Variants in GRID1 observed in about 807,000 individuals in gnomAD.
GRID1 encodes glutamate ionotropic receptor delta type subunit 1, also known as glutamate receptor ionotropic, delta-1.
Under a neutral mutation model 98.0 loss-of-function variants are expected in GRID1, and 28 were observed. The ratio of observed to expected loss-of-function variants is 0.29; its 90% CI spans 0.21 to 0.39. The LOEUF is 0.39. Ranked by LOEUF, GRID1 falls within the 10% of genes least tolerant of loss-of-function variation. The pLI, the probability that GRID1 is intolerant of heterozygous loss-of-function variation, is 1.00. For missense variants in GRID1, 1,111 were observed against 1,340.5 expected, an observed-to-expected ratio of 0.83 and a Z score of 2.67; for synonymous variants, 553 against 538.5, an observed-to-expected ratio of 1.03 and a Z score of -0.37.
chr10:86,354,120 C>A (rs1848501310), intron 2 of GRID1, among the ~76,000 whole-genome samples: 1 of 152,232 alleles, frequency 6.6e-6, no homozygotes, highest in Non-Finnish European at 1.5e-5. Flanking sequence ...AAGTCTCCAC[C>A]TTGGACTGAG....
At chr10:85,986,916 C>A (rs1842615182) in intron 4 of GRID1, among the ~76,000 whole-genome samples, 1 of 152,182 alleles carries the variant, frequency 6.6e-6, no homozygotes, top group Admixed American at 6.5e-5. Flanking sequence ...CCATTCAGCA[C>A]TCTCAGAAGC....
chr10:86,175,265 T>C (rs1272700563), intron 3 of GRID1, among the ~76,000 whole-genome samples: 2 of 151,750 alleles, frequency 1.3e-5, no homozygotes, highest in Non-Finnish European at 2.9e-5. Flanking sequence ...TTATTCTCTG[T>C]GTATTTCTCT....
At chr10:85,770,161 C>T (rs1370276011) in intron 8 of GRID1, among the ~76,000 whole-genome samples, 5 of 152,184 alleles carry the variant, frequency 3.3e-5, no homozygotes, top group Admixed American at 6.5e-5. Flanking sequence ...GCAGCATTCG[C>T]GGTTCACGAA....
chr10:86,216,160 C>A (rs1475349444), intron 2 of GRID1, among the ~76,000 whole-genome samples: 1 of 152,248 alleles, frequency 6.6e-6, no homozygotes, highest in Non-Finnish European at 1.5e-5. Flanking sequence ...CCTTTTCCTG[C>A]ATGTCCAGGA....
At chr10:85,749,493 T>A (rs1224012391) in intron 8 of GRID1, among the ~76,000 whole-genome samples, 1 of 152,152 alleles carries the variant, frequency 6.6e-6, no homozygotes, top group Admixed American at 6.5e-5. Context: ...ATCCTGACCA[T>A]AATACATCCC....
chr10:85,986,186 A>C (rs1457696605), intron 4 of GRID1, among the ~76,000 whole-genome samples: 1 of 152,258 alleles, frequency 6.6e-6, no homozygotes, highest in Non-Finnish European at 1.5e-5. Context: ...ATGTACGCTA[A>C]GAATTCCACG....
At chr10:85,747,798 C>T (rs1842011303) in intron 8 of GRID1, among the ~76,000 whole-genome samples, 1 of 152,104 alleles carries the variant, frequency 6.6e-6, no homozygotes, top group Admixed American at 6.5e-5. Flanking sequence ...GATCTAGCTA[C>T]CAAGACAGTG....
chr10:86,151,044 A>C (rs977061582), intron 3 of GRID1, among the ~76,000 whole-genome samples: 3 of 152,112 alleles, frequency 2.0e-5, no homozygotes, highest in Non-Finnish European at 2.9e-5. Context: ...ATGTGAAGTA[A>C]TTTGCATATA....
chr10:85,799,000 T>C (rs1016189920), intron 8 of GRID1, among the ~76,000 whole-genome samples: 1 of 152,144 alleles, frequency 6.6e-6, no homozygotes, highest in African/African-American at 2.4e-5. Context: ...AACATTTTAG[T>C]ATTTAATCTA....
intron 3 of GRID1, among the ~76,000 whole-genome samples, chr10:86,141,847 G>T (rs1349788250): frequency 1.3e-5 from 2 of 152,204 alleles, no homozygotes; most frequent in East Asian, 3.8e-4. Context: ...AACCAGTGTG[G>T]TGTAAACGAT....
chr10:85,774,371 C>T (rs1842307178), intron 8 of GRID1, among the ~76,000 whole-genome samples: 1 of 152,062 alleles, frequency 6.6e-6, no homozygotes, highest in Non-Finnish European at 1.5e-5. Flanking sequence ...CCATAAAAAC[C>T]CTAGAAGAAA....
At chr10:85,799,610 A>G (rs1842557455) in intron 8 of GRID1, among the ~76,000 whole-genome samples, 1 of 152,132 alleles carries the variant, frequency 6.6e-6, no homozygotes, top group Non-Finnish European at 1.5e-5. Context: ...TAACCCAAAT[A>G]AGCCAAGCAC....
intron 8 of GRID1, among the ~76,000 whole-genome samples, chr10:85,840,578 T>G (rs1463473807): frequency 6.6e-6 from 1 of 152,084 alleles, no homozygotes. Context: ...GATCCTATAT[T>G]TAGAAAACCA....
intron 4 of GRID1, among the ~76,000 whole-genome samples, chr10:86,100,774 T>C (rs1236886469): frequency 6.6e-6 from 1 of 152,226 alleles, no homozygotes; most frequent in Admixed American, 6.5e-5. Context: ...ACGTGTCTTC[T>C]TGTGCTTGTG....
chr10:85,980,509 T>A (rs1013400290), intron 4 of GRID1, among the ~76,000 whole-genome samples: 6 of 152,206 alleles, frequency 3.9e-5, no homozygotes, highest in Non-Finnish European at 7.3e-5. Flanking sequence ...AACCGCAAAT[T>A]TCTGGTTCCC....
chr10:85,814,874 G>A (rs1156338003), intron 8 of GRID1, among the ~76,000 whole-genome samples: 2 of 151,926 alleles, frequency 1.3e-5, no homozygotes, highest in Non-Finnish European at 2.9e-5. Flanking sequence ...CTAGAAAACA[G>A]AAGAGGAGAG....
intron 8 of GRID1, among the ~76,000 whole-genome samples, chr10:85,819,076 C>T (rs2131749325): frequency 6.6e-6 from 1 of 152,062 alleles, no homozygotes; most frequent in Non-Finnish European, 1.5e-5. Flanking sequence ...TGAGTTCATA[C>T]TGATATAATG....
At chr10:86,109,534 C>G (rs143607311) in intron 4 of GRID1, among the ~76,000 whole-genome samples, 1 of 152,344 alleles carries the variant, frequency 6.6e-6, no homozygotes, top group Non-Finnish European at 1.5e-5. Context: ...ACAGGACAAC[C>G]ACACACATTG....
intron 5 of GRID1, among the ~76,000 whole-genome samples, chr10:85,879,245 T>C (rs1840961712): frequency 6.6e-6 from 1 of 152,038 alleles, no homozygotes; most frequent in Non-Finnish European, 1.5e-5. Context: ...ACCCAGGAAT[T>C]GAACTCAGCT....
Sources: allele counts gnomAD v4.1 joint callset (sites outside exome capture counted in the v4.1 genomes callset), GRCh38; gene constraint gnomAD v4.1.1; transcripts MANE v1.5; gene names NCBI Gene and HGNC (gene_info 2026-07-23, HGNC 2026-07-21).